ARID2: variants seen among roughly 807,000 people sequenced by gnomAD.
ARID2 encodes AT-rich interactive domain-containing protein 2.
A neutral mutation model predicts 184.6 loss-of-function variants in ARID2; 32 were observed. That is an observed-to-expected ratio of 0.17 (90% CI 0.13 to 0.23). The LOEUF (loss-of-function observed/expected upper bound fraction) is 0.23, where lower values mean the gene tolerates loss of function less well. Among genes scored for constraint, ARID2 ranks in the 10% least tolerant of loss-of-function variants. The probability of loss-of-function intolerance (pLI) is 1.00; values close to 1 mark genes in which losing one functional copy is unlikely to be tolerated. For missense variants in ARID2, 1,696 were observed against 2,197.6 expected (o/e 0.77, Z 4.56); for synonymous variants, 836 against 772.6 (o/e 1.08, Z -1.36).
At chr12:45,789,348 T>C (rs1480735160) in intron 3 of ARID2, 2 of 152,194 alleles carry the variant, frequency 1.3e-5, no homozygotes, top group Non-Finnish European at 2.9e-5. Context: ...AGCCTTCTAC[T>C]GGGGCAATAT....
chr12:45,730,023 G>A (rs1159468057), intron 1 of ARID2, 21 bp from the exon 2 acceptor site: 1 of 1,612,306 alleles, frequency 6.2e-7, no homozygotes, highest in Non-Finnish European at 8.5e-7. Flanking sequence ...TGACAAGTGC[G>A]GGGCTTTTTC....
chr12:45,891,738 A>C (rs1412495083), intron 16 of ARID2, 42 bp from the exon 17 acceptor site: 5 of 1,594,380 alleles, frequency 3.1e-6, no homozygotes, highest in Non-Finnish European at 4.3e-6. Flanking sequence ...TTCAAAATAT[A>C]CTTGAATACA....
intron 3 of ARID2, among the ~76,000 whole-genome samples, chr12:45,746,099 GA>G (rs1456131900): frequency 2.1e-5 from 3 of 141,920 alleles, no homozygotes; most frequent in Non-Finnish European, 4.7e-5. Flanking sequence ...ATTCTGGTTT[GA>G]TTTTTTTTTT....
chr12:45,859,758 A>G (rs545352857), intron 15 of ARID2, among the ~76,000 whole-genome samples: 155 of 152,346 alleles, frequency 1.0e-3, no homozygotes, highest in African/African-American at 3.6e-3. Context: ...CTTTTGAGAC[A>G]GAGTCTCCTC....
chr12:45,762,496 A>G (rs1432885843), intron 3 of ARID2, among the ~76,000 whole-genome samples: 1 of 152,268 alleles, frequency 6.6e-6, no homozygotes, highest in East Asian at 1.9e-4. Context: ...TCAGCCTAGT[A>G]AAAAGTATAC....
At chr12:45,849,057 T>A in intron 13 of ARID2, 87 bp downstream of exon 13, 2 of 1,409,946 alleles carry the variant, frequency 1.4e-6, no homozygotes, top group Non-Finnish European at 1.9e-6. Context: ...ATATCTTATC[T>A]AGTTTTAAAT....
At position 45,905,103 on chromosome 12, in the gene ARID2, G is replaced by T. The variant is rs372080526; in HGVS notation, c.*25G>T. On this transcript the variant is annotated 3_prime_UTR_variant, in exon 21 of 21. Coordinates refer to ENST00000334344, the MANE Select transcript of ARID2 (RefSeq NM_152641.4). ...AAAAATAATTCCACTTACACAGTGG[G>T]GGACTCAAAGTCAGCCACATTTCAC... The T allele has an allele frequency of 6.2e-7, 1 of 1,605,038 alleles. No individual in the cohort carries two copies. The highest frequency in any genetic ancestry group is 1.7e-5 in the Admixed American group (1 of 59,134).
intron 3 of ARID2, among the ~76,000 whole-genome samples, chr12:45,762,208 C>T (rs1264026454): frequency 1.3e-5 from 2 of 152,116 alleles, no homozygotes; most frequent in Admixed American, 1.3e-4. Flanking sequence ...TTAAATATCT[C>T]TTTAATTTTT....
intron 10 of ARID2, 35 bp from the exon 11 acceptor site, chr12:45,839,294 A>G (rs901092567): frequency 4.5e-6 from 7 of 1,548,130 alleles, no homozygotes; most frequent in Non-Finnish European, 6.1e-6. Context: ...TTATAATATT[A>G]TTGACTAATA....
chr12:45,902,805 A>G lies in ARID2; in HGVS notation c.5364-2129A>G, dbSNP rs1362584441. ...TGATCCGCCTGCCTCAGCCTCCCAA[A>G]GCGTTTTGTAAATTTTTAAATCAAT... On this transcript the variant is annotated intron_variant, in intron 20 of 20. Transcript: ENST00000334344. Among the ~76,000 whole-genome samples the G allele has an allele frequency of 2.0e-5, 3 of 152,112 alleles. No individual in the cohort carries two copies. In the East Asian group the frequency reaches 5.8e-4, roughly 29 times the overall value.
At chr12:45,743,912 A>G (rs773073454) in intron 3 of ARID2, among the ~76,000 whole-genome samples, 13 of 151,974 alleles carry the variant, frequency 8.6e-5, no homozygotes, top group Non-Finnish European at 1.5e-4. Flanking sequence ...TCTTGTTATC[A>G]TTTATTTATA....
chr12:45,896,459 G>C (rs992312496), intron 20 of ARID2, among the ~76,000 whole-genome samples: 28 of 152,302 alleles, frequency 1.8e-4, no homozygotes, highest in African/African-American at 6.5e-4. Context: ...CGTCTCTCCT[G>C]TGCTGTTCTC....
At chr12:45,890,615 C>G (rs913446549) in intron 16 of ARID2, among the ~76,000 whole-genome samples, 1 of 151,968 alleles carries the variant, frequency 6.6e-6, no homozygotes, top group Non-Finnish European at 1.5e-5. Context: ...TCACAATATA[C>G]TTTTGTAGGT....
chr12:45,777,779 GT>G, intron 3 of ARID2, among the ~76,000 whole-genome samples: 1 of 147,952 alleles, frequency 6.8e-6, no homozygotes. Context: ...TGTCTTTAAA[GT>G]TTATATTTTT....
chr12:45,797,738 T>G (rs1348117115), intron 3 of ARID2, among the ~76,000 whole-genome samples: 1 of 152,084 alleles, frequency 6.6e-6, no homozygotes, highest in Non-Finnish European at 1.5e-5. Flanking sequence ...TTTTTTGTTT[T>G]GCACTAATGA....
rs777184220 is a variant in ARID2, at chr12:45,860,806, T to C, written c.4779T>C (p.Thr1593=). 1 of 1,585,992 alleles carries C rather than the reference T, an allele frequency of 6.3e-7. No individual in the cohort carries two copies. The highest frequency in any genetic ancestry group is 1.2e-5 in the South Asian group (1 of 84,994). The change falls in exon 16 of 21, where the codon ACT becomes ACC. Residue 1593 remains threonine (T), a synonymous_variant. Coordinates refer to ENST00000334344, the MANE Select transcript of ARID2 (RefSeq NM_152641.4). The part of the protein sequence containing the change: ...TYVQNVVPQN[T]PMPPSPAVQV... ...GCATTTGTTCTTTTTCACAGAACACTCCTATGCCACCTTCACCAGCTGTAC... is the reference window on the plus strand; with the variant it reads ...GCATTTGTTCTTTTTCACAGAACACCCCTATGCCACCTTCACCAGCTGTAC...
intron 3 of ARID2, among the ~76,000 whole-genome samples, chr12:45,770,201 C>T (rs1046738358): frequency 9.3e-5 from 14 of 151,238 alleles, no homozygotes; most frequent in East Asian, 3.9e-4. Context: ...TGCAGTGAGC[C>T]GAGATCGTGC....
In ARID2 at chr12:45,860,955, T is replaced by C; in HGVS notation, c.4922+6T>C. ...CTGTGGCAGTCTTGTAAAAAGTAAA[T>C]GGCAATTTTATTTGATATATAAAAG... On this transcript the variant is annotated splice_donor_region_variant and intron_variant, in intron 16 of 20. Coordinates refer to ENST00000334344, the MANE Select transcript of ARID2 (RefSeq NM_152641.4). 6.5e-7 allele frequency: 1 copy of C among 1,536,454 alleles called. No homozygotes were observed. Among genetic ancestry groups the C allele is most frequent in the South Asian group, 1.3e-5 (1 of 76,552 alleles).
chr12:45,899,740 T>TA (rs1238265651), intron 20 of ARID2, among the ~76,000 whole-genome samples: 13 of 142,792 alleles, frequency 9.1e-5, no homozygotes, highest in Non-Finnish European at 1.5e-4. Context: ...TATATATGGT[T>TA]TTATATATAT....
Sources: gnomAD v4.1 joint callset for allele counts (sites outside exome capture counted in the v4.1 genomes callset) on GRCh38, gnomAD v4.1.1 for gene constraint, MANE v1.5 for transcripts, NCBI Gene and HGNC (gene_info 2026-07-23, HGNC 2026-07-21) for gene names.